The following CDK13 variants were observed in gnomAD, a reference collection of about 807,000 sequenced individuals.
CDK13 encodes cyclin-dependent kinase 13.
CDK13 carries 40 observed loss-of-function variants against 137.6 expected under a neutral mutation model. The observed-to-expected ratio is 0.29, with a 90% CI of 0.23 to 0.38. CDK13 has a LOEUF of 0.38. CDK13 is among the 10% of genes least tolerant of loss of function. CDK13 has a pLI of 1.00. For missense variants in CDK13, 1,704 were observed against 1,951.8 expected, an observed-to-expected ratio of 0.87 and a Z score of 2.39; for synonymous variants, 869 against 760.1, an observed-to-expected ratio of 1.14 and a Z score of -2.36.
chr7:39,952,074 G>C (rs9655407), intron 1 of CDK13: 2 of 400,648 alleles, frequency 5.0e-6, no homozygotes, highest in South Asian at 1.4e-4. Flanking sequence ...TTTTCTCCTA[G>C]CTGTGGCAGG....
At chr7:40,047,721 GTTT>G in intron 6 of CDK13, 97 bp from the exon 7 acceptor site, 5 of 641,182 alleles carry the variant, frequency 7.8e-6, no homozygotes, top group South Asian at 4.5e-5. Flanking sequence ...GTTTACATAG[GTTT>G]TTTTTTTTTA....
chr7:40,098,957 G>T lies in CDK13; in HGVS notation c.*3977G>T, dbSNP rs751012844. The stretch of plus-strand genomic sequence containing the variant: ...ATCTTTGAAAAGGCAAGTCCTGTAT[G>T]TATTTTTCATTTGTTGAAAGAAGAT... On this transcript the variant is annotated 3_prime_UTR_variant, in exon 14 of 14. Coordinates refer to ENST00000181839, the MANE Select transcript of CDK13 (RefSeq NM_003718.5). 12 of 151,858 alleles carry T rather than the reference G, an allele frequency of 7.9e-5. No homozygotes were observed. Among genetic ancestry groups the T allele is most frequent in the Non-Finnish European group, 1.8e-4 (12 of 67,950 alleles). The allele number at this position is 151,858 out of a possible 1,614,324, so 9.4% of individuals were successfully genotyped here. A position where few individuals can be genotyped will look rare whatever the true frequency, so the allele number is the denominator to read the frequency against.
rs1353365033 is a variant in CDK13, at chr7:39,951,352, C to T, written c.711C>T (p.His237=). Residue 237 remains histidine (H), a synonymous_variant, in exon 1 of 14, where the codon CAC becomes CAT. Coordinates refer to ENST00000181839, the MANE Select transcript of CDK13 (RefSeq NM_003718.5). ...CCAAGTCCCGCAGCCGCCACAGCCA[C>T]AGCGGCGAGGAACGGGCCGAGGTCG... is the stretch of plus-strand genomic sequence containing the variant. The part of the protein sequence containing the change: ...EASKSRSRHS[H]SGEERAEVAK... 1 of 1,491,652 alleles carries T rather than the reference C, an allele frequency of 6.7e-7. No homozygotes were observed. The highest frequency in any genetic ancestry group is 1.3e-5 in the South Asian group (1 of 78,964). The allele number at this position is 1,491,652 out of a possible 1,614,324, so 92.4% of individuals were successfully genotyped here.
At chr7:40,092,676 A>T (rs888849988) in intron 12 of CDK13, 109 bp from the exon 13 acceptor site, 12 of 718,434 alleles carry the variant, frequency 1.7e-5, no homozygotes, top group Non-Finnish European at 2.6e-5. Context: ...TTTCTTAAAT[A>T]CTCTCCCTCA....
intron 1 of CDK13, among the ~76,000 whole-genome samples, chr7:39,962,064 CTT>C (rs1783756981): frequency 6.6e-6 from 1 of 152,156 alleles, no homozygotes; most frequent in Admixed American, 6.5e-5. Flanking sequence ...GGTTCCAAGT[CTT>C]TGCTATCGTG....
intron 5 of CDK13, among the ~76,000 whole-genome samples, chr7:40,038,992 G>GC: frequency 6.6e-6 from 1 of 152,290 alleles, no homozygotes; most frequent in Non-Finnish European, 1.5e-5. Flanking sequence ...ACTGTGCCTG[G>GC]CCACAAATTT....
At chr7:40,038,322 A>G (rs1206847528) in intron 5 of CDK13, among the ~76,000 whole-genome samples, 1 of 152,216 alleles carries the variant, frequency 6.6e-6, no homozygotes, top group East Asian at 1.9e-4. Context: ...TTAGTAGACA[A>G]AAATCACGCA....
chr7:40,092,871 G>A lies in CDK13; in HGVS notation c.3322G>A (p.Ala1108Thr), dbSNP rs1287670760. 3 of 1,613,974 alleles carry A rather than the reference G, an allele frequency of 1.9e-6. No homozygotes were observed. The East Asian group carries it at 6.7e-5, about 36-fold the overall frequency. ...ACAATCTAAAACAAGTGTTAATATGGCTGATTTTGTCCAAGTGTTGAACAT... is the reference window on the plus strand; with the variant it reads ...ACAATCTAAAACAAGTGTTAATATGACTGATTTTGTCCAAGTGTTGAACAT... ...LLQSKTSVNMADFVQVLNIKV... is the reference protein window; with the variant it reads ...LLQSKTSVNMTDFVQVLNIKV... Residue 1108 changes from alanine (A) to threonine (T), a missense_variant, in exon 13 of 14, where the codon GCT (alanine) becomes ACT (threonine). By Grantham distance (58) the Ala-to-Thr change is moderately conservative. This residue lies in a region of CDK13 where 475 missense variants were observed against 579.3 expected (regional missense o/e 0.82). Transcript: ENST00000181839.
At chr7:40,005,952 C>T (rs546776350) in intron 5 of CDK13, among the ~76,000 whole-genome samples, 1 of 152,138 alleles carries the variant, frequency 6.6e-6, no homozygotes, top group South Asian at 2.1e-4. Context: ...CGTCAAACTC[C>T]TGGCTCAATT....
chr7:39,983,364 G>C (rs947559705), intron 1 of CDK13, among the ~76,000 whole-genome samples: 1 of 151,936 alleles, frequency 6.6e-6, no homozygotes, highest in South Asian at 2.1e-4. Context: ...CTCGTGATCC[G>C]CCCACCTCAG....
chr7:40,019,644 T>C (rs943901625), intron 5 of CDK13, among the ~76,000 whole-genome samples: 3 of 152,196 alleles, frequency 2.0e-5, no homozygotes, highest in Non-Finnish European at 4.4e-5. Context: ...AAGAAATACC[T>C]TCATAGCAAC....
intron 11 of CDK13, among the ~76,000 whole-genome samples, chr7:40,079,143 G>A (rs569610842): frequency 2.0e-5 from 3 of 152,136 alleles, no homozygotes; most frequent in Admixed American, 6.5e-5. Flanking sequence ...TACTGCTGCC[G>A]GGCGCGGTGG....
rs562000733 is a variant in CDK13 at position 39,954,255 on chromosome 7, G to A, written c.1211+2403G>A. On this transcript the variant is annotated intron_variant, in intron 1 of 13. Transcript: ENST00000181839. ...GTCAAATGTCCAGCTTAAAACATAG[G>A]GCCTAGAATTAATAGCTAAAATAGT... Among the ~76,000 whole-genome samples, 13 of 151,876 alleles carry A rather than the reference G, an allele frequency of 8.6e-5. No individual in the cohort carries two copies. The East Asian group carries it at 2.5e-3, about 29-fold the overall frequency.
At chr7:40,086,061 T>C (rs150277186) in intron 11 of CDK13, among the ~76,000 whole-genome samples, 16 of 152,362 alleles carry the variant, frequency 1.1e-4, no homozygotes, top group African/African-American at 3.6e-4. Flanking sequence ...TAAAAGGTTA[T>C]ATTTTAAAAA....
At chr7:40,046,136 T>C in intron 6 of CDK13, 111 bp downstream of exon 6, 1 of 692,002 alleles carries the variant, frequency 1.4e-6, no homozygotes, top group African/African-American at 1.8e-5. Flanking sequence ...TGGTGAGCGT[T>C]GAAAGTTACC....
At chr7:40,007,063 A>G (rs1281034126) in intron 5 of CDK13, among the ~76,000 whole-genome samples, 2 of 152,246 alleles carry the variant, frequency 1.3e-5, no homozygotes, top group African/African-American at 4.8e-5. Context: ...TAAATTTCAC[A>G]TAAAATCTTC....
rs1308636949 is a variant in CDK13, at chr7:40,003,200, ACACACACTCTCTCT to A, written c.2353+1171_2353+1184del. On this transcript the variant is annotated intron_variant, in intron 5 of 13. Coordinates refer to ENST00000181839, the MANE Select transcript of CDK13 (RefSeq NM_003718.5). ...CACACACACACACACACACACACAC[ACACACACTCTCTCT>A]CTCTCTCTCTCTTACTCTGTTGAGG... 7.4e-3 allele frequency among the ~76,000 whole-genome samples: 635 copies of A among 86,338 alleles called. 1 individual carries two copies. The highest frequency in any genetic ancestry group is 0.012 in the Non-Finnish European group (514 of 41,696). 56.6% of individuals were successfully genotyped at this position (86,338 alleles called of 152,430 possible). A position where few individuals can be genotyped will look rare whatever the true frequency, so the allele number is the denominator to read the frequency against.
rs1787171074 is a variant in CDK13 at position 39,951,206 on chromosome 7, C to T, written c.565C>T (p.Arg189Trp). The T allele has an allele frequency of 3.2e-6, 4 of 1,251,110 alleles. No individual in the cohort carries two copies. The highest frequency in any genetic ancestry group is 3.3e-5 in the South Asian group (1 of 29,906). 77.5% of individuals were successfully genotyped at this position (1,251,110 alleles called of 1,614,324 possible). ...TCCGGCCTCCTCCTCCGGCACCCAG[C>T]GGCGCGGGGAGGGGTCGGAGCGCAG... ...GSPASSSGTQ[R>W]RGEGSERRPR... Residue 189 changes from arginine to tryptophan, a missense_variant, in exon 1 of 14, where the codon CGG becomes TGG. Physicochemically the swap from Arg to Trp is moderately radical, Grantham distance 101. Around this residue, in one of 5 missense-constraint regions of CDK13, gnomAD observed 1,051 missense variants for 931.0 expected, o/e 1.13. Coordinates refer to ENST00000181839, the MANE Select transcript of CDK13 (RefSeq NM_003718.5).
chr7:39,982,171 CT>C (rs1180469495), intron 1 of CDK13, among the ~76,000 whole-genome samples: 1 of 147,994 alleles, frequency 6.8e-6, no homozygotes, highest in Non-Finnish European at 1.5e-5. Flanking sequence ...CCCCCTCCCC[CT>C]ACCCCACAAC....
Sources: allele counts gnomAD v4.1 joint callset (sites outside exome capture counted in the v4.1 genomes callset), GRCh38; gene constraint gnomAD v4.1.1; regional missense constraint gnomAD v4.1.1; transcripts MANE v1.5; gene names NCBI Gene and HGNC (gene_info 2026-07-23, HGNC 2026-07-21).